CFAP54: variants seen among roughly 807,000 people sequenced by gnomAD.
The protein encoded by CFAP54 is cilia- and flagella-associated protein 54.
A neutral mutation model predicts 370.4 loss-of-function variants in CFAP54; 290 were observed. The observed-to-expected ratio is 0.78, with a 90% CI of 0.71 to 0.86. The LOEUF (loss-of-function observed/expected upper bound fraction) is 0.86. CFAP54 is among the 40% of genes least tolerant of loss of function. The probability of loss-of-function intolerance (pLI) is 0.00; values close to 1 mark genes in which losing one functional copy is unlikely to be tolerated. For missense variants in CFAP54, 3,399 were observed against 3,528.7 expected, an observed-to-expected ratio of 0.96 and a Z score of 0.93; for synonymous variants, 1,206 against 1,236.5, an observed-to-expected ratio of 0.98 and a Z score of 0.52.
Position 96,658,222 on chromosome 12 carries a change from C to G in CFAP54, c.5336C>G (p.Thr1779Arg). ...TTACCCCTGTCTAGTGAGAGGTATA[C>G]AGAACAAGTGACACCACTTCTGGTG... is the stretch of plus-strand genomic sequence containing the variant. ...QFNTVSHERY[T>R]EQVTPLLVYA... Residue 1779 changes from threonine to arginine, a missense_variant, in exon 38 of 68, where the codon ACA becomes AGA. Around this residue, in one of 3 missense-constraint regions of CFAP54, gnomAD observed 2,796 missense variants for 2,869.7 expected, o/e 0.97. Coordinates refer to ENST00000524981, the MANE Select transcript of CFAP54 (RefSeq NM_001306084.2). 6.2e-7 allele frequency: 1 copy of G among 1,613,732 alleles called. No homozygotes were observed. Among genetic ancestry groups the G allele is most frequent in the Non-Finnish European group, 8.5e-7 (1 of 1,179,904 alleles).
intron 8 of CFAP54, among the ~76,000 whole-genome samples, chr12:96,522,878 T>C (rs1169303904): frequency 6.6e-6 from 1 of 152,182 alleles, no homozygotes; most frequent in Non-Finnish European, 1.5e-5. Context: ...TCTTCTCACA[T>C]GTCATAACCA....
chr12:96,677,760 A>G (rs940538145), intron 39 of CFAP54, among the ~76,000 whole-genome samples: 2 of 152,156 alleles, frequency 1.3e-5, no homozygotes, highest in African/African-American at 4.8e-5. Context: ...CAGGGGAAAC[A>G]ATTACTTCTG....
At chr12:96,515,743 ATGTGCTAGGTCC>A (rs1423787151) in intron 5 of CFAP54, among the ~76,000 whole-genome samples, 4 of 151,992 alleles carry the variant, frequency 2.6e-5, no homozygotes, top group Non-Finnish European at 5.9e-5. Flanking sequence ...AATCTATACC[ATGTGCTAGGTCC>A]TGTGAAAGGC....
At chr12:96,801,737 A>G (rs561858425) in intron 63 of CFAP54, among the ~76,000 whole-genome samples, 1 of 152,338 alleles carries the variant, frequency 6.6e-6, no homozygotes, top group East Asian at 1.9e-4. Flanking sequence ...AAGGAATACA[A>G]GTCACAGCTA....
intron 65 of CFAP54, among the ~76,000 whole-genome samples, chr12:96,819,689 T>C (rs1959010603): frequency 6.6e-6 from 1 of 152,208 alleles, no homozygotes. Context: ...TTTCCTTTCT[T>C]TTGTGTTTGG....
At chr12:96,814,915 G>A (rs984585072) in intron 64 of CFAP54, among the ~76,000 whole-genome samples, 7 of 152,088 alleles carry the variant, frequency 4.6e-5, no homozygotes, top group Admixed American at 2.6e-4. Flanking sequence ...CTAGTATTCC[G>A]TGGTGTTATG....
At chr12:96,715,192 G>A (rs1957662062) in intron 48 of CFAP54, among the ~76,000 whole-genome samples, 1 of 152,178 alleles carries the variant, frequency 6.6e-6, no homozygotes, top group Admixed American at 6.6e-5. Context: ...TAGGAGGGCA[G>A]ATGGACTAGG....
At chr12:96,814,666 A>G (rs1377247440) in intron 64 of CFAP54, among the ~76,000 whole-genome samples, 3 of 152,110 alleles carry the variant, frequency 2.0e-5, no homozygotes, top group Non-Finnish European at 2.9e-5. Flanking sequence ...TTTAAGCCCC[A>G]CATGTATTAG....
At chr12:96,694,298 T>C (rs1291549073) in intron 45 of CFAP54, among the ~76,000 whole-genome samples, 4 of 152,224 alleles carry the variant, frequency 2.6e-5, no homozygotes, top group African/African-American at 9.6e-5. Context: ...GTGTGATTGA[T>C]TGGCTTGAAC....
At chr12:96,823,916 AAG>A (rs1959059171) in intron 65 of CFAP54, among the ~76,000 whole-genome samples, 2 of 152,166 alleles carry the variant, frequency 1.3e-5, no homozygotes, top group South Asian at 2.1e-4. Context: ...CGAGGGAAGC[AAG>A]AGTTTGGAGG....
chr12:96,827,822 T>C (rs1959137443), intron 65 of CFAP54, among the ~76,000 whole-genome samples: 1 of 112,816 alleles, frequency 8.9e-6, no homozygotes, highest in East Asian at 2.3e-4. Flanking sequence ...TAATATATTA[T>C]ATATAGTTAT....
At chr12:96,835,316 G>A (rs1959182635) in intron 66 of CFAP54, among the ~76,000 whole-genome samples, 1 of 152,080 alleles carries the variant, frequency 6.6e-6, no homozygotes, top group Non-Finnish European at 1.5e-5. Context: ...CGTCTACTCT[G>A]CCCTGGCTGA....
chr12:96,640,088 G>A (rs1001876211), intron 32 of CFAP54, among the ~76,000 whole-genome samples: 1 of 152,092 alleles, frequency 6.6e-6, no homozygotes, highest in Admixed American at 6.5e-5. Flanking sequence ...GGGCAATCAG[G>A]CAAGAGAAGG....
intron 20 of CFAP54, among the ~76,000 whole-genome samples, chr12:96,579,332 A>C (rs1401288328): frequency 6.6e-6 from 1 of 152,176 alleles, no homozygotes; most frequent in African/African-American, 2.4e-5. Context: ...AAAGATGCGG[A>C]AACTTGCATC....
chr12:96,718,531 G>T lies in CFAP54; in HGVS notation c.6804+9G>T. 1.3e-6 allele frequency: 2 copies of T among 1,525,598 alleles called. No individual in the cohort carries two copies. The highest frequency in any genetic ancestry group is 2.3e-5 in the South Asian group (2 of 87,056). The allele number at this position is 1,525,598 out of a possible 1,614,324, so 94.5% of individuals were successfully genotyped here. A position where few individuals can be genotyped will look rare whatever the true frequency, so the allele number is the denominator to read the frequency against. On this transcript the variant is annotated intron_variant, in intron 49 of 67. Transcript: ENST00000524981. ...CTCTTAGCATGCTAAAGGTAAGTTT[G>T]AAACTGTTTTCAAACCATTAAGTTA...
rs1957711358 is a variant in CFAP54 at position 96,718,496 on chromosome 12, G to C, written c.6778G>C (p.Asp2260His). The C allele has an allele frequency of 6.3e-7, 1 of 1,575,466 alleles. No individual in the cohort carries two copies. The highest frequency in any genetic ancestry group is 1.3e-5 in the African/African-American group (1 of 74,104). The part of the protein sequence containing the change: ...SSFYNLTKLK[D>H]EITLSMLKSM... ...ATTTTATAATCTTACAAAACTTAAA[G>C]ATGAGATCACTCTTAGCATGCTAAA... is the stretch of plus-strand genomic sequence containing the variant. Residue 2260 changes from aspartate to histidine, a missense_variant, in exon 49 of 68, where the codon GAT (aspartate) becomes CAT (histidine). By Grantham distance (81) the Asp-to-His change is moderately conservative. This residue lies in a region of CFAP54 where 2,796 missense variants were observed against 2,869.7 expected (regional missense o/e 0.97). Transcript: ENST00000524981.
At chr12:96,793,183 C>A (rs1266724332) in intron 63 of CFAP54, among the ~76,000 whole-genome samples, 1 of 151,930 alleles carries the variant, frequency 6.6e-6, no homozygotes, top group Non-Finnish European at 1.5e-5. Flanking sequence ...CCTGCCTCAC[C>A]CCTGCTCCAC....
At chr12:96,563,105 A>T (rs1269123002) in intron 17 of CFAP54, among the ~76,000 whole-genome samples, 1 of 152,132 alleles carries the variant, frequency 6.6e-6, no homozygotes, top group Non-Finnish European at 1.5e-5. Flanking sequence ...GGAGGATTAG[A>T]GTTTTTTTTT....
chr12:96,562,836 A>G (rs141498251), intron 17 of CFAP54, among the ~76,000 whole-genome samples: 225 of 152,314 alleles, frequency 1.5e-3, no homozygotes, highest in African/African-American at 5.0e-3. Context: ...TTCAAAAACT[A>G]CTTCTCCTAT....
Sources: gnomAD v4.1 joint callset for allele counts (sites outside exome capture counted in the v4.1 genomes callset) on GRCh38, gnomAD v4.1.1 for gene constraint, gnomAD v4.1.1 regional missense constraint, MANE v1.5 for transcripts, NCBI Gene and HGNC (gene_info 2026-07-23, HGNC 2026-07-21) for gene names.